Variants in PCNX2 observed in about 807,000 individuals in gnomAD.
The protein encoded by PCNX2 is pecanex-like protein 2.
Under a neutral mutation model 223.8 loss-of-function variants are expected in PCNX2, and 168 were observed. The observed-to-expected ratio is 0.75, with a 90% confidence interval of 0.66 to 0.85. PCNX2 has a LOEUF of 0.85. Ranked by LOEUF, PCNX2 falls within the 40% of genes least tolerant of loss-of-function variation. PCNX2 has a pLI of 0.00. For missense variants in PCNX2, 2,507 were observed against 2,675.5 expected, an observed-to-expected ratio of 0.94 and a Z score of 1.39; for synonymous variants, 1,006 against 1,052.6, an observed-to-expected ratio of 0.96 and a Z score of 0.86.
chr1:233,303,508 C>G, the PCNX2 span, among the ~76,000 whole-genome samples: 1 of 152,090 alleles, frequency 6.6e-6, no homozygotes, highest in South Asian at 2.1e-4. Context: ...AAGTGGGACC[C>G]TGTCTCAAAA....
intron 25 of PCNX2, among the ~76,000 whole-genome samples, chr1:233,027,551 C>G (rs564425910): frequency 1.3e-5 from 2 of 152,288 alleles, no homozygotes; most frequent in East Asian, 3.9e-4. Context: ...CCATAGACAT[C>G]CAACTCTTAT....
intron 8 of PCNX2, among the ~76,000 whole-genome samples, chr1:233,249,213 T>A (rs1420726749): frequency 6.6e-6 from 1 of 152,216 alleles, no homozygotes; most frequent in Non-Finnish European, 1.5e-5. Flanking sequence ...GCAGTTCAAG[T>A]GTTTAACCTA....
chr1:233,035,965 A>C (rs1490846833), intron 25 of PCNX2, among the ~76,000 whole-genome samples: 2 of 152,222 alleles, frequency 1.3e-5, no homozygotes, highest in Non-Finnish European at 2.9e-5. Flanking sequence ...TTTTTCTTAA[A>C]GCTAGAATTC....
At chr1:233,003,337 C>T (rs990829024) in intron 28 of PCNX2, among the ~76,000 whole-genome samples, 1 of 152,148 alleles carries the variant, frequency 6.6e-6, no homozygotes, top group Non-Finnish European at 1.5e-5. Flanking sequence ...AAAAAGTGAG[C>T]AAAGGATATG....
chr1:233,298,125 T>G (rs1662202946), upstream of PCNX2, among the ~76,000 whole-genome samples: 2 of 152,030 alleles, frequency 1.3e-5, no homozygotes, highest in Admixed American at 6.5e-5. Context: ...GATCAGCAGA[T>G]AGTCCCATAA....
chr1:233,096,009 A>C (rs2102948871), intron 21 of PCNX2, 146 bp from the exon 22 acceptor site: 1 of 622,144 alleles, frequency 1.6e-6, no homozygotes. Context: ...CCTGCATCTC[A>C]TGTGGAATGC....
chr1:233,135,185 T>C lies in PCNX2; in HGVS notation c.3665A>G (p.Asp1222Gly). 1 of 1,612,958 alleles carries C rather than the reference T, an allele frequency of 6.2e-7. No individual in the cohort carries two copies. Among genetic ancestry groups the C allele is most frequent in the South Asian group, 1.1e-5 (1 of 90,788 alleles). Residue 1222 changes from aspartate to glycine, a missense_variant, in exon 21 of 34, where the codon GAC becomes GGC. By Grantham distance (94) the Asp-to-Gly change is moderately conservative (BLOSUM62 -1). Around this residue, in one of 3 missense-constraint regions of PCNX2, gnomAD observed 1,372 missense variants for 1,509.4 expected, o/e 0.91. Transcript: ENST00000258229. ...SNHRRLGTHW[D>G]IFLMIIAGMK... ...GCCAGCAATGATCATCAGAAAAATG[T>C]CCCAGCTGTTGGAAACAAAAGAAAA... is the stretch of plus-strand genomic sequence containing the variant.
chr1:233,044,469 A>G (rs2102862756), intron 25 of PCNX2, among the ~76,000 whole-genome samples: 1 of 152,298 alleles, frequency 6.6e-6, no homozygotes, highest in South Asian at 2.1e-4. Flanking sequence ...ATTTAAAGCC[A>G]ATGATTAATC....
the PCNX2 span, among the ~76,000 whole-genome samples, chr1:233,313,128 C>G: frequency 3.9e-5 from 6 of 152,172 alleles, no homozygotes; most frequent in African/African-American, 1.4e-4. Context: ...GTATATGATT[C>G]TGTTTATATG....
chr1:233,152,833 C>T (rs528333351), intron 19 of PCNX2, among the ~76,000 whole-genome samples: 5 of 152,310 alleles, frequency 3.3e-5, no homozygotes, highest in African/African-American at 1.2e-4. Flanking sequence ...TTAGGGAGCG[C>T]TTTCTGTCTG....
At chr1:233,246,577 G>A (rs547491097) in intron 8 of PCNX2, among the ~76,000 whole-genome samples, 2 of 152,328 alleles carry the variant, frequency 1.3e-5, no homozygotes, top group Non-Finnish European at 2.9e-5. Context: ...TAGTGTGTAA[G>A]TGTTTAACAA....
At chr1:233,019,643 T>G (rs546403444) in intron 26 of PCNX2, among the ~76,000 whole-genome samples, 2 of 152,084 alleles carry the variant, frequency 1.3e-5, no homozygotes, top group African/African-American at 4.8e-5. Flanking sequence ...AGGATGAGCG[T>G]GGGACTCAGA....
chr1:233,148,697 C>T lies in PCNX2; in HGVS notation c.3518-8842G>A, dbSNP rs531240588. ...GATTACAGGCCTGAGCCACCATGCC[C>T]GGCCTTAATTTCACTTTAATTCTTA... is the stretch of plus-strand genomic sequence containing the variant. On this transcript the variant is annotated intron_variant, in intron 19 of 33. Coordinates refer to ENST00000258229, the MANE Select transcript of PCNX2 (RefSeq NM_014801.4). Among the ~76,000 whole-genome samples, 7 of 152,238 alleles carry T rather than the reference C, an allele frequency of 4.6e-5. No homozygotes were observed. In the East Asian group the frequency reaches 5.8e-4, roughly 13 times the overall value.
intron 22 of PCNX2, 98 bp downstream of exon 22, chr1:233,095,657 G>T (rs1310172506): frequency 1.8e-6 from 2 of 1,097,810 alleles, no homozygotes; most frequent in Middle Eastern, 2.0e-4. Flanking sequence ...TAATCTTATA[G>T]ACTTTAAAAT....
chr1:233,206,404 C>A (rs1681465003), intron 13 of PCNX2, among the ~76,000 whole-genome samples: 1 of 151,934 alleles, frequency 6.6e-6, no homozygotes, highest in Admixed American at 6.6e-5. Context: ...AGTGTGCCAT[C>A]ATGAGTGAGC....
chr1:233,290,680 G>A, intron 1 of PCNX2: 26 of 918,974 alleles, frequency 2.8e-5, no homozygotes, highest in Non-Finnish European at 3.4e-5. Context: ...CTATGCTAGT[G>A]CTTGACAGAT....
In PCNX2 at chr1:233,224,382, C is replaced by T. The variant is rs191791691; in HGVS notation, c.2504+2844G>A. Among the ~76,000 whole-genome samples, 560 of 152,290 alleles carry T rather than the reference C, an allele frequency of 3.7e-3. 1 individual carries two copies. The highest frequency in any genetic ancestry group is 5.2e-3 in the Non-Finnish European group (356 of 68,020). On this transcript the variant is annotated intron_variant, in intron 10 of 33. Coordinates refer to ENST00000258229, the MANE Select transcript of PCNX2 (RefSeq NM_014801.4). ...AACGGCAGGAACCATGAAACTACTG[C>T]CCAAAGACTAAGAAAACATTTTTAA...
In PCNX2 at chr1:233,217,913, C is replaced by T. The variant is rs777681912; in HGVS notation, c.2677G>A (p.Ala893Thr). The T allele has an allele frequency of 1.3e-5, 21 of 1,613,782 alleles. No individual in the cohort carries two copies. The highest frequency in any genetic ancestry group is 1.6e-5 in the Non-Finnish European group (19 of 1,179,832). Residue 893 changes from alanine to threonine, a missense_variant, in exon 12 of 34, where the codon GCC (alanine) becomes ACC (threonine). Around this residue, in one of 3 missense-constraint regions of PCNX2, gnomAD observed 104 missense variants for 144.4 expected, o/e 0.72. Coordinates refer to ENST00000258229, the MANE Select transcript of PCNX2 (RefSeq NM_014801.4). ...SLLKSVQPDP[A>T]SPIHGHNQII... is the part of the protein sequence containing the mutation. ...TGGAAACTTACGTGTATTGGTGAGG[C>T]GGGGTCAGGCTGAACACTCTAAAAC...
intron 12 of PCNX2, among the ~76,000 whole-genome samples, chr1:233,211,066 G>A (rs1306628477): frequency 6.6e-6 from 1 of 152,226 alleles, no homozygotes; most frequent in Non-Finnish European, 1.5e-5. Flanking sequence ...CAGTGGAATG[G>A]TCAGCTGCTT....
Sources: gnomAD v4.1 joint callset for allele counts (sites outside exome capture counted in the v4.1 genomes callset) on GRCh38, gnomAD v4.1.1 for gene constraint, gnomAD v4.1.1 regional missense constraint, MANE v1.5 for transcripts, NCBI Gene and HGNC (gene_info 2026-07-23, HGNC 2026-07-21) for gene names.